ACE: variants seen among roughly 807,000 people sequenced by gnomAD.
ACE encodes angiotensin-converting enzyme.
Under a neutral mutation model 162.3 loss-of-function variants are expected in ACE, and 122 were observed. That is an observed-to-expected ratio of 0.75 (90% CI 0.65 to 0.87). The LOEUF (loss-of-function observed/expected upper bound fraction) is 0.87, where lower values mean the gene tolerates loss of function less well. ACE is among the 40% of genes least tolerant of loss of function. The pLI, the probability that ACE is intolerant of heterozygous loss-of-function variation, is 0.00. For missense variants in ACE, 1,799 were observed against 1,735.1 expected (o/e 1.04, Z -0.65); for synonymous variants, 796 against 720.6 (o/e 1.10, Z -1.68).
rs1302482890 is a variant in ACE at position 63,482,292 on chromosome 17, C to T, written c.1119-174C>T. On this transcript the variant is annotated intron_variant, in intron 7 of 24. Coordinates refer to ENST00000290866, the MANE Select transcript of ACE (RefSeq NM_000789.4). ...GGCCAGCCTGTGCAAAAGAGTGAGA[C>T]GCTGTCTCAAAAAAAAAAAAGAAAA... Among the ~76,000 whole-genome samples, 5 of 150,690 alleles carry T rather than the reference C, an allele frequency of 3.3e-5. No individual in the cohort carries two copies. In the South Asian group the frequency reaches 6.3e-4, roughly 19 times the overall value.
rs763413849 is a variant in ACE, at chr17:63,484,820, C to T, written c.1921+279C>T. ...GTGAGGTCACACTGCGGGCTCCGCT[C>T]TTATTGGCCAGGGGACGGTAGCTGC... On this transcript the variant is annotated intron_variant, in intron 12 of 24. Transcript: ENST00000290866. This position sits in a 1 kb window ranked among gnomAD's most constrained non-coding sequence, Gnocchi z 4.0. 14 of 1,525,856 alleles carry T rather than the reference C, an allele frequency of 9.2e-6. No individual in the cohort carries two copies. The South Asian group carries it at 1.1e-4, about 12-fold the overall frequency. The allele number at this position is 1,525,856 out of a possible 1,614,324, so 94.5% of individuals were successfully genotyped here.
At position 63,487,045 on chromosome 17, in the gene ACE, G is replaced by T. The variant is rs199715246; in HGVS notation, c.2277G>T (p.Pro759=). Residue 759 remains proline, a synonymous_variant, in exon 15 of 25, where the codon CCG becomes CCT. Transcript: ENST00000290866. ...TTYSVATVCH[P]NGSCLQLEPD... is the part of the protein sequence containing the mutation. ...ACAGCGTGGCCACTGTGTGCCACCC[G>T]AATGGCAGCTGCCTGCAGCTCGAGC... The T allele has an allele frequency of 1.2e-6, 2 of 1,613,604 alleles. No individual in the cohort carries two copies. The highest frequency in any genetic ancestry group is 1.3e-5 in the African/African-American group (1 of 75,022).
chr17:63,492,422 C>T (rs1387764685), intron 19 of ACE, among the ~76,000 whole-genome samples: 2 of 152,358 alleles, frequency 1.3e-5, no homozygotes, highest in South Asian at 2.1e-4. Context: ...GGAGAACAGA[C>T]ACGGGGAGCC....
chr17:63,481,853 C>A, intron 7 of ACE, 115 bp downstream of exon 7: 3 of 1,385,966 alleles, frequency 2.2e-6, no homozygotes, highest in South Asian at 1.2e-5. Context: ...CCTACCCCAG[C>A]ACTGGTTGGA....
chr17:63,483,570 C>CCCCCCCCCCCCCCCCCCA lies in ACE; in HGVS notation c.1586+14_1586+15insCCCCCCCCCCCCCCCACC. ...ACACCATACATCAGGTATTAGCGCC[C>CCCCCCCCCCCCCCCCCCA]CCACCCCACCCACCCCCAGTACTGT... is the stretch of plus-strand genomic sequence containing the variant. On this transcript the variant is annotated intron_variant, in intron 10 of 24. Coordinates refer to ENST00000290866, the MANE Select transcript of ACE (RefSeq NM_000789.4). 2 of 803,456 alleles carry CCCCCCCCCCCCCCCCCCA rather than the reference C, an allele frequency of 2.5e-6. No homozygotes were observed. Among genetic ancestry groups the CCCCCCCCCCCCCCCCCCA allele is most frequent in the Non-Finnish European group, 2.0e-6 (1 of 509,406 alleles). The allele number at this position is 803,456 out of a possible 1,614,324, so 49.8% of individuals were successfully genotyped here.
chr17:63,481,467 T>A, intron 6 of ACE, 99 bp from the exon 7 acceptor site: 4 of 1,360,190 alleles, frequency 2.9e-6, no homozygotes, highest in Non-Finnish European at 4.1e-6. Context: ...CAGAGAAGCT[T>A]TCATGCACAG....
chr17:63,478,192 C>G, intron 2 of ACE, 94 bp downstream of exon 2: 1 of 1,478,098 alleles, frequency 6.8e-7, no homozygotes, highest in African/African-American at 1.4e-5. Flanking sequence ...GGGAGGAACC[C>G]TGGGATCCAC....
chr17:63,480,407 C>T lies in ACE; in HGVS notation c.726C>T (p.His242=). The T allele has an allele frequency of 2.5e-6, 4 of 1,614,200 alleles. No homozygotes were observed. The highest frequency in any genetic ancestry group is 3.4e-6 in the Non-Finnish European group (4 of 1,180,044). Residue 242 remains histidine (H), a synonymous_variant, in exon 5 of 25, where the codon CAC becomes CAT. Transcript: ENST00000290866. ...NSPTFEDDLE[H]LYQQLEPLYL... ...CCACCTTCGAGGACGATCTGGAACACCTCTACCAACAGCTAGAGCCCCTCT... is the reference window on the plus strand; with the variant it reads ...CCACCTTCGAGGACGATCTGGAACATCTCTACCAACAGCTAGAGCCCCTCT...
In ACE at chr17:63,483,567, G is replaced by GCGGGGCGCCCCCCCCCCCCCCCCCCC; in HGVS notation, c.1586+10_1586+11insGGGGCGCCCCCCCCCCCCCCCCCCCC. The GCGGGGCGCCCCCCCCCCCCCCCCCCC allele has an allele frequency of 6.3e-7, 1 of 1,589,580 alleles. No homozygotes were observed. Among genetic ancestry groups the GCGGGGCGCCCCCCCCCCCCCCCCCCC allele is most frequent in the Non-Finnish European group, 8.6e-7 (1 of 1,165,688 alleles). On this transcript the variant is annotated intron_variant, in intron 10 of 24. Coordinates refer to ENST00000290866, the MANE Select transcript of ACE (RefSeq NM_000789.4). Reference sequence around the variant, plus strand: ...GTGACACCATACATCAGGTATTAGCGCCCCCACCCCACCCACCCCCAGTAC... The same window carrying GCGGGGCGCCCCCCCCCCCCCCCCCCC: ...GTGACACCATACATCAGGTATTAGCGCGGGGCGCCCCCCCCCCCCCCCCCCCCCCCCACCCCACCCACCCCCAGTAC...
intron 17 of ACE, chr17:63,489,762 CAG>C (rs1465914010): frequency 6.3e-6 from 1 of 158,254 alleles, no homozygotes; most frequent in Non-Finnish European, 1.4e-5. Flanking sequence ...TTTCCTGGAG[CAG>C]AGAGACCAGA....
chr17:63,491,296 A>G lies in ACE; in HGVS notation c.2827A>G (p.Lys943Glu). 6.2e-7 allele frequency: 1 copy of G among 1,614,168 alleles called. No homozygotes were observed. The highest frequency in any genetic ancestry group is 1.1e-5 in the South Asian group (1 of 91,086). Residue 943 changes from lysine to glutamate, a missense_variant, in exon 19 of 25, where the codon AAG (lysine) becomes GAG (glutamate). Lys to Glu is a moderately conservative substitution (Grantham distance 56). Transcript: ENST00000290866. This position sits in a 1 kb window ranked among gnomAD's most constrained non-coding sequence, Gnocchi z 4.4. ...LLPVPPEFWN[K>E]SMLEKPTDGR... ...GCCCGTGCCTCCTGAGTTCTGGAAC[A>G]AGTCGATGCTGGAGAAGCCAACCGA...
chr17:63,477,350 G>A lies in ACE; in HGVS notation c.249+7G>A, dbSNP rs1358394086. On this transcript the variant is annotated splice_region_variant and intron_variant, in intron 1 of 24. Transcript: ENST00000290866. ...GGAGAATGCAAGGCGCCAGGTGGGC[G>A]CCCGGGCCCGGGCGGGGGCGGGGCG... 4.0e-6 allele frequency: 5 copies of A among 1,264,776 alleles called. No homozygotes were observed. The highest frequency in any genetic ancestry group is 5.0e-6 in the Non-Finnish European group (5 of 997,640). 78.3% of individuals were successfully genotyped at this position (1,264,776 alleles called of 1,614,324 possible).
intron 4 of ACE, 57 bp downstream of exon 4, chr17:63,479,969 C>G (rs527562322): frequency 1.6e-5 from 25 of 1,560,142 alleles, no homozygotes; most frequent in Non-Finnish European, 2.2e-5. Flanking sequence ...TCAGCTGTCT[C>G]CCCAGAGTCC....
Position 63,484,960 on chromosome 17 carries a change from A to G in ACE, c.1922-276A>G. 6.2e-7 allele frequency: 1 copy of G among 1,604,808 alleles called. No individual in the cohort carries two copies. Among genetic ancestry groups the G allele is most frequent in the Non-Finnish European group, 8.5e-7 (1 of 1,175,766 alleles). On this transcript the variant is annotated intron_variant, in intron 12 of 24. Coordinates refer to ENST00000290866, the MANE Select transcript of ACE (RefSeq NM_000789.4). This position sits in a 1 kb window ranked among gnomAD's most constrained non-coding sequence, Gnocchi z 4.0. ...CTCTGCTGGTCCCCAGCCAGGAGGC[A>G]TCCCAACAGGTGACAGTCACCCATG...
In ACE at chr17:63,480,371, G is replaced by T. The variant is rs757421466; in HGVS notation, c.690G>T (p.Trp230Cys). The T allele has an allele frequency of 1.2e-5, 19 of 1,614,006 alleles. No homozygotes were observed. Among genetic ancestry groups the T allele is most frequent in the Non-Finnish European group, 1.5e-5 (18 of 1,180,014 alleles). ...FTDTGAYWRS[W>C]YNSPTFEDDL... ...ACACGGGGGCCTACTGGCGCTCCTG[G>T]TACAACTCCCCCACCTTCGAGGACG... The change falls in exon 5 of 25, where the codon TGG becomes TGT. Residue 230 changes from tryptophan to cysteine, a missense_variant. By Grantham distance (215) the Trp-to-Cys change is radical. Coordinates refer to ENST00000290866, the MANE Select transcript of ACE (RefSeq NM_000789.4).
Position 63,486,646 on chromosome 17 carries a change from T to C in ACE, c.2148T>C (p.Thr716=). The change falls in exon 14 of 25, where the codon ACT becomes ACC. Residue 716 remains threonine (T), a synonymous_variant. Transcript: ENST00000290866. ...ATGTGAACCAGTTGCAGAACACCACTATCAAGCGGATCATAAAGAAGGTTC... is the reference window on the plus strand; with the variant it reads ...ATGTGAACCAGTTGCAGAACACCACCATCAAGCGGATCATAAAGAAGGTTC... ...KFDVNQLQNT[T]IKRIIKKVQD... is the part of the protein sequence containing the mutation. The C allele has an allele frequency of 1.2e-6, 2 of 1,614,142 alleles. No individual in the cohort carries two copies. Among genetic ancestry groups the C allele is most frequent in the Non-Finnish European group, 1.7e-6 (2 of 1,180,000 alleles).
chr17:63,493,505 G>A lies in ACE; in HGVS notation c.2982G>A (p.Gln994=). Reference sequence around the variant, plus strand: ...CCCACCACGAAATGGGCCACATCCAGTATTTCATGCAGTACAAAGACTTAC... The same window carrying A: ...CCCACCACGAAATGGGCCACATCCAATATTTCATGCAGTACAAAGACTTAC... ...VVAHHEMGHI[Q]YFMQYKDLPV... The change falls in exon 20 of 25, where the codon CAG becomes CAA. Residue 994 remains glutamine (Q), a synonymous_variant. Coordinates refer to ENST00000290866, the MANE Select transcript of ACE (RefSeq NM_000789.4). The A allele has an allele frequency of 6.2e-7, 1 of 1,614,156 alleles. No individual in the cohort carries two copies. Among genetic ancestry groups the A allele is most frequent in the African/African-American group, 1.3e-5 (1 of 75,030 alleles).
rs1303300504 is a variant in ACE, at chr17:63,483,463, C to A, written c.1491C>A (p.Thr497=). The change falls in exon 10 of 25, where the codon ACC becomes ACA. Residue 497 remains threonine (T), a synonymous_variant. Coordinates refer to ENST00000290866, the MANE Select transcript of ACE (RefSeq NM_000789.4). ...RYNFDWWYLR[T]KYQGICPPVT... is the part of the protein sequence containing the mutation. ...CAATTTAACCATCCTTTTCCAGAAC[C>A]AAGTATCAGGGGATCTGTCCTCCTG... The A allele has an allele frequency of 1.2e-6, 2 of 1,613,762 alleles. No homozygotes were observed. The highest frequency in any genetic ancestry group is 1.7e-6 in the Non-Finnish European group (2 of 1,179,656).
intron 24 of ACE, 73 bp from the exon 25 acceptor site, chr17:63,497,064 G>T: frequency 6.3e-7 from 1 of 1,586,526 alleles, no homozygotes; most frequent in Non-Finnish European, 8.6e-7. Context: ...TGACCTCGGA[G>T]CCTGGCCCTG....
Sources: allele counts gnomAD v4.1 joint callset (sites outside exome capture counted in the v4.1 genomes callset), GRCh38; gene constraint gnomAD v4.1.1; non-coding constraint Gnocchi (gnomAD v3.1); transcripts MANE v1.5; gene names NCBI Gene and HGNC (gene_info 2026-07-23, HGNC 2026-07-21).